Variants in TPGS2 observed in about 807,000 individuals in gnomAD.
The protein encoded by TPGS2 is tubulin polyglutamylase complex subunit 2.
A neutral mutation model predicts 31.1 loss-of-function variants in TPGS2; 26 were observed. The observed-to-expected ratio is 0.84, with a 90% CI of 0.61 to 1.16. The LOEUF (loss-of-function observed/expected upper bound fraction) is 1.16. Among genes scored for constraint, TPGS2 ranks in the 50% most tolerant of loss-of-function variants. TPGS2 has a pLI of 0.00. For synonymous variants in TPGS2, 130 were observed against 136.6 expected (o/e 0.95, Z 0.34); for missense variants, 351 against 363.8 (o/e 0.96, Z 0.29).
chr18:36,780,968 A>G (rs2043996236), downstream of TPGS2, among the ~76,000 whole-genome samples: 1 of 152,222 alleles, frequency 6.6e-6, no homozygotes, highest in African/African-American at 2.4e-5. Context: ...GCAGTGCACT[A>G]TGACATTATG....
chr18:36,797,080 C>T (rs2044565511), intron 6 of TPGS2, 30 bp from the exon 7 acceptor site: 2 of 1,594,722 alleles, frequency 1.3e-6, no homozygotes, highest in Admixed American at 3.6e-5. Flanking sequence ...GACAAGGTCA[C>T]AATTCAAAGG....
chr18:36,792,080 G>A (rs2044331318), downstream of TPGS2, among the ~76,000 whole-genome samples: 1 of 149,908 alleles, frequency 6.7e-6, no homozygotes, highest in Non-Finnish European at 1.5e-5. Context: ...CCAAGGGTAA[G>A]AGCACAGTCA....
At chr18:36,807,705 A>T (rs2045224537) in intron 3 of TPGS2, 142 bp downstream of exon 3, 1 of 675,976 alleles carries the variant, frequency 1.5e-6, no homozygotes, top group African/African-American at 1.8e-5. Context: ...TTGGGACATA[A>T]TCACAGCTTC....
At chr18:36,818,116 C>T (rs1291367950) in intron 2 of TPGS2, among the ~76,000 whole-genome samples, 4 of 152,160 alleles carry the variant, frequency 2.6e-5, no homozygotes, top group Non-Finnish European at 5.9e-5. Flanking sequence ...CAATGTAATC[C>T]TTCCCATCTT....
chr18:36,803,579 T>C lies in TPGS2; in HGVS notation c.382+1795A>G, dbSNP rs1198993165. Among the ~76,000 whole-genome samples the C allele has an allele frequency of 2.0e-5, 3 of 152,210 alleles. No individual in the cohort carries two copies. In the East Asian group the frequency reaches 5.8e-4, roughly 29 times the overall value. ...TGCCTTTCCATCTATTTTCTCTTTT[T>C]TGAGCACCCATAATTCCAATGGAAA... is the stretch of plus-strand genomic sequence containing the variant. On this transcript the variant is annotated intron_variant, in intron 4 of 6. Coordinates refer to ENST00000334295, the MANE Select transcript of TPGS2 (RefSeq NM_015476.4).
At chr18:36,802,994 T>C (rs1469363729) in intron 4 of TPGS2, among the ~76,000 whole-genome samples, 1 of 152,180 alleles carries the variant, frequency 6.6e-6, no homozygotes, top group Admixed American at 6.5e-5. Context: ...TTAATTGTTT[T>C]ATTTGACAAA....
At chr18:36,780,212 T>A (rs2043971532), downstream of TPGS2, 1 of 1,230,838 alleles carries the variant, frequency 8.1e-7, no homozygotes, top group Non-Finnish European at 1.0e-6. Context: ...ATAGAGTGAG[T>A]AACATCAACA....
chr18:36,791,668 G>A (rs2044314684), downstream of TPGS2, among the ~76,000 whole-genome samples: 1 of 152,120 alleles, frequency 6.6e-6, no homozygotes, highest in Non-Finnish European at 1.5e-5. Flanking sequence ...CTCCATAATG[G>A]AGGCCATGTG....
At chr18:36,826,925 GT>G (rs940214965) in intron 1 of TPGS2, among the ~76,000 whole-genome samples, 4 of 151,712 alleles carry the variant, frequency 2.6e-5, no homozygotes, top group African/African-American at 7.3e-5. Context: ...AGTTTGTTGA[GT>G]TTTTTTTAAT....
chr18:36,808,570 G>A (rs1026008675), intron 2 of TPGS2, among the ~76,000 whole-genome samples: 7 of 151,936 alleles, frequency 4.6e-5, no homozygotes, highest in Non-Finnish European at 7.4e-5. Context: ...CCTGGGAGGC[G>A]GAGCTTGCAG....
chr18:36,822,937 T>G (rs2045957387), intron 1 of TPGS2, among the ~76,000 whole-genome samples: 1 of 152,228 alleles, frequency 6.6e-6, no homozygotes, highest in South Asian at 2.1e-4. Context: ...TTATGTTTGG[T>G]CTAAACTCTA....
chr18:36,782,398 A>G (rs1453666237), downstream of TPGS2, among the ~76,000 whole-genome samples: 3 of 152,190 alleles, frequency 2.0e-5, no homozygotes, highest in Non-Finnish European at 4.4e-5. Flanking sequence ...CCCAATCTAC[A>G]CATCGGACTC....
chr18:36,798,292 T>C (rs2150565710), intron 6 of TPGS2, 157 bp downstream of exon 6: 5 of 1,459,192 alleles, frequency 3.4e-6, no homozygotes, highest in Non-Finnish European at 4.5e-6. Flanking sequence ...GGCTGTCCAT[T>C]GGAATCATCT....
At chr18:36,782,939 C>T (rs570974438), downstream of TPGS2, 41 of 395,404 alleles carry the variant, frequency 1.0e-4, 1 homozygote, top group East Asian at 1.4e-3. Flanking sequence ...GAAATGCCTG[C>T]CAGCTCAGTG....
At chr18:36,813,961 G>A (rs2045544895) in intron 2 of TPGS2, among the ~76,000 whole-genome samples, 1 of 152,154 alleles carries the variant, frequency 6.6e-6, no homozygotes, top group Non-Finnish European at 1.5e-5. Flanking sequence ...TCACAGTGGG[G>A]CGTGTAACAA....
downstream of TPGS2, chr18:36,780,262 C>T: frequency 1.8e-6 from 2 of 1,102,300 alleles, no homozygotes; most frequent in Non-Finnish European, 2.3e-6. Context: ...GGGCCTAAGT[C>T]CTTGTTACAG....
intron 6 of TPGS2, among the ~76,000 whole-genome samples, chr18:36,785,953 G>A (rs1053363819): frequency 6.6e-6 from 1 of 152,148 alleles, no homozygotes; most frequent in Non-Finnish European, 1.5e-5. Context: ...ACAGTTACAG[G>A]AGAAGCTATG....
intron 1 of TPGS2, among the ~76,000 whole-genome samples, chr18:36,822,524 T>C (rs539601106): frequency 1.3e-5 from 2 of 152,346 alleles, no homozygotes; most frequent in African/African-American, 2.4e-5. Flanking sequence ...GATTTAGGTA[T>C]GTTTTTGAAA....
At chr18:36,797,165 G>GA in intron 6 of TPGS2, 115 bp from the exon 7 acceptor site, 2 of 1,541,318 alleles carry the variant, frequency 1.3e-6, no homozygotes, top group African/African-American at 2.8e-5. Context: ...ACATTTTCAT[G>GA]AAAAACTGCC....
Sources: gnomAD v4.1 joint callset for allele counts (sites outside exome capture counted in the v4.1 genomes callset) on GRCh38, gnomAD v4.1.1 for gene constraint, MANE v1.5 for transcripts, NCBI Gene and HGNC (gene_info 2026-07-23, HGNC 2026-07-21) for gene names.